The following VAX2 variants were observed in gnomAD, a reference collection of about 807,000 sequenced individuals.
The protein encoded by VAX2 is ventral anterior homeobox 2.
Under a neutral mutation model 12.5 loss-of-function variants are expected in VAX2, and 8 were observed. The ratio of observed to expected loss-of-function variants is 0.64; its 90% CI spans 0.37 to 1.15. The LOEUF (loss-of-function observed/expected upper bound fraction) is 1.15. Among genes scored for constraint, VAX2 ranks in the 50% most tolerant of loss-of-function variants. The pLI is 0.01. For synonymous variants in VAX2, 183 were observed against 187.6 expected, an observed-to-expected ratio of 0.98 and a Z score of 0.20; for missense variants, 476 against 412.9, an observed-to-expected ratio of 1.15 and a Z score of -1.32.
intron 1 of VAX2, among the ~76,000 whole-genome samples, chr2:70,901,112 A>G (rs923511012): frequency 6.6e-6 from 1 of 152,254 alleles, no homozygotes; most frequent in Non-Finnish European, 1.5e-5. Flanking sequence ...CCAGTCCCCT[A>G]GTTCTAGGCC....
Position 70,922,057 on chromosome 2 carries a change from G to A in VAX2, c.435+772G>A, listed in dbSNP as rs573354449. Among the ~76,000 whole-genome samples the A allele has an allele frequency of 2.0e-5, 3 of 152,312 alleles. No individual in the cohort carries two copies. In the South Asian group the frequency reaches 6.2e-4, roughly 32 times the overall value. ...ATTCCCATGTTACACGTGAAAGGAA[G>A]TTATGCCCAAGGTCAGACAACTAAT... On this transcript the variant is annotated intron_variant, in intron 2 of 2. Transcript: ENST00000234392.
At chr2:70,901,099 G>A (rs4852237) in intron 1 of VAX2, among the ~76,000 whole-genome samples, 18,353 of 152,308 alleles carry the variant, frequency 0.12, 1,261 homozygotes, top group Admixed American at 0.2. Flanking sequence ...TCCGCCTCTC[G>A]GGCCAGTCCC....
intron 1 of VAX2, among the ~76,000 whole-genome samples, chr2:70,906,847 G>T (rs1679073347): frequency 6.6e-6 from 1 of 152,122 alleles, no homozygotes; most frequent in African/African-American, 2.4e-5. Context: ...AGACTTCCCC[G>T]CTGAAGTCGA....
intron 1 of VAX2, among the ~76,000 whole-genome samples, chr2:70,907,023 C>T (rs528933342): frequency 6.6e-6 from 1 of 152,354 alleles, no homozygotes; most frequent in East Asian, 1.9e-4. Context: ...AATTCATCAA[C>T]ATGGCATAAT....
At chr2:70,919,559 GT>G (rs1553412508) in intron 1 of VAX2, among the ~76,000 whole-genome samples, 1 of 151,636 alleles carries the variant, frequency 6.6e-6, no homozygotes, top group Non-Finnish European at 1.5e-5. Context: ...AATAAAATAA[GT>G]CCAGGCACAA....
chr2:70,926,268 A>G (rs1553413518), intron 2 of VAX2, among the ~76,000 whole-genome samples: 2 of 152,172 alleles, frequency 1.3e-5, no homozygotes, highest in Non-Finnish European at 2.9e-5. Context: ...GGCCTTGCCC[A>G]GACTCCATGG....
intron 2 of VAX2, among the ~76,000 whole-genome samples, chr2:70,922,573 G>T (rs115407869): frequency 2.6e-5 from 4 of 152,082 alleles, no homozygotes; most frequent in East Asian, 3.9e-4. Context: ...AGGTTAGCAG[G>T]TTCCTCCTGG....
In VAX2 at chr2:70,921,171, A is replaced by T. The variant is rs1553412799; in HGVS notation, c.321A>T (p.Thr107=). The change falls in exon 2 of 3, where the codon ACA becomes ACT. Residue 107 remains threonine (T), a synonymous_variant. Transcript: ENST00000234392. ...LDLDRPKRTR[T]SFTAEQLYRL... is the part of the protein sequence containing the mutation. ...TGGACCGGCCCAAGCGGACACGTAC[A>T]TCCTTCACTGCCGAGCAGCTGTACC... The T allele has an allele frequency of 1.2e-6, 2 of 1,613,712 alleles. No individual in the cohort carries two copies. The highest frequency in any genetic ancestry group is 2.2e-5 in the South Asian group (2 of 91,000).
At chr2:70,913,632 C>G (rs932195326) in intron 1 of VAX2, among the ~76,000 whole-genome samples, 56 of 151,958 alleles carry the variant, frequency 3.7e-4, no homozygotes, top group African/African-American at 1.3e-3. Flanking sequence ...GCCAAGATCA[C>G]GCCACTGCAC....
intron 1 of VAX2, among the ~76,000 whole-genome samples, chr2:70,902,755 G>A (rs539005575): frequency 6.6e-5 from 10 of 152,362 alleles, no homozygotes; most frequent in African/African-American, 2.4e-4. Flanking sequence ...CCTCCACCCT[G>A]TGAGGTGGGG....
intron 2 of VAX2, 68 bp downstream of exon 2, chr2:70,921,353 C>G: frequency 6.8e-7 from 1 of 1,467,718 alleles, no homozygotes; most frequent in South Asian, 1.4e-5. Context: ...GGATATGAGG[C>G]CCTGTGAGCT....
At chr2:70,907,383 G>A (rs1235621420) in intron 1 of VAX2, among the ~76,000 whole-genome samples, 2 of 152,384 alleles carry the variant, frequency 1.3e-5, no homozygotes, top group East Asian at 1.9e-4. Context: ...GCAGCCGGGT[G>A]TGAGGTTCCA....
chr2:70,926,412 C>T (rs1553413539), intron 2 of VAX2, among the ~76,000 whole-genome samples: 1 of 152,238 alleles, frequency 6.6e-6, no homozygotes, highest in Non-Finnish European at 1.5e-5. Context: ...GAAAGTTCTT[C>T]TCATGTCAGA....
intron 1 of VAX2, 146 bp from the exon 2 acceptor site, chr2:70,920,952 G>A (rs1306750163): frequency 2.1e-6 from 2 of 936,108 alleles, no homozygotes; most frequent in South Asian, 2.2e-5. Context: ...GGCCCAGAGA[G>A]GGTGAGCAAC....
chr2:70,914,235 G>T (rs567716474), intron 1 of VAX2, among the ~76,000 whole-genome samples: 1 of 152,290 alleles, frequency 6.6e-6, no homozygotes, highest in Admixed American at 6.5e-5. Flanking sequence ...ATCACTTGAG[G>T]TCAAGAGTTT....
chr2:70,903,053 G>T (rs1678968936), intron 1 of VAX2, among the ~76,000 whole-genome samples: 1 of 152,162 alleles, frequency 6.6e-6, no homozygotes, highest in East Asian at 1.9e-4. Context: ...GATGTGATTT[G>T]CCACTAATCT....
At chr2:70,928,582 A>G (rs1679623207) in intron 2 of VAX2, among the ~76,000 whole-genome samples, 2 of 152,132 alleles carry the variant, frequency 1.3e-5, no homozygotes, top group Non-Finnish European at 2.9e-5. Flanking sequence ...TCCTTGCTAC[A>G]CCCAGAGCTG....
chr2:70,900,633 G>T lies in VAX2; in HGVS notation c.12G>T (p.Gly4=). 7.9e-7 allele frequency: 1 copy of T among 1,270,808 alleles called. No homozygotes were observed. The highest frequency in any genetic ancestry group is 1.5e-5 in the African/African-American group (1 of 64,592). 78.7% of individuals were successfully genotyped at this position (1,270,808 alleles called of 1,614,324 possible). MGD[G]GAERDRGPAR... is the part of the protein sequence containing the mutation. ...CAGTGGCGGTCAGCATGGGCGATGGGGGCGCCGAGCGCGACCGGGGCCCCG... is the reference window on the plus strand; with the variant it reads ...CAGTGGCGGTCAGCATGGGCGATGGTGGCGCCGAGCGCGACCGGGGCCCCG... Residue 4 remains glycine, a synonymous_variant, in exon 1 of 3, where the codon GGG becomes GGT. Coordinates refer to ENST00000234392, the MANE Select transcript of VAX2 (RefSeq NM_012476.3).
intron 1 of VAX2, among the ~76,000 whole-genome samples, chr2:70,907,841 TA>T (rs782089575): frequency 7.2e-5 from 11 of 152,220 alleles, no homozygotes; most frequent in Non-Finnish European, 1.5e-4. Flanking sequence ...AACAAATAAA[TA>T]AAAGCAGAAC....
Sources: allele counts gnomAD v4.1 joint callset (sites outside exome capture counted in the v4.1 genomes callset), GRCh38; gene constraint gnomAD v4.1.1; transcripts MANE v1.5; gene names NCBI Gene and HGNC (gene_info 2026-07-23, HGNC 2026-07-21).